The following SNTG2 variants were observed in gnomAD, a reference collection of about 807,000 sequenced individuals.
SNTG2 encodes syntrophin gamma 2.
Under a neutral mutation model 70.9 loss-of-function variants are expected in SNTG2, and 74 were observed. That is an observed-to-expected ratio of 1.04 (90% confidence interval 0.86 to 1.27). SNTG2 has a LOEUF of 1.27. Among genes scored for constraint, SNTG2 ranks in the 50% most tolerant of loss-of-function variants. The probability of loss-of-function intolerance (pLI) is 0.00; values close to 1 mark genes in which losing one functional copy is unlikely to be tolerated. For missense variants in SNTG2, 717 were observed against 690.7 expected, an observed-to-expected ratio of 1.04 and a Z score of -0.43; for synonymous variants, 278 against 273.8, an observed-to-expected ratio of 1.02 and a Z score of -0.15.
chr2:956,743 T>C (rs1242470995), intron 1 of SNTG2, among the ~76,000 whole-genome samples: 1 of 152,272 alleles, frequency 6.6e-6, no homozygotes. Context: ...AGCTGACCCA[T>C]GTGTCAGTTG....
chr2:1,228,789 C>G (rs1329496150), intron 9 of SNTG2, among the ~76,000 whole-genome samples: 1 of 152,222 alleles, frequency 6.6e-6, no homozygotes, highest in South Asian at 2.1e-4. Context: ...AAGAACGAAG[C>G]CGCGGACCCT....
At chr2:1,237,337 A>G (rs35525686) in intron 9 of SNTG2, among the ~76,000 whole-genome samples, 48,320 of 152,114 alleles carry the variant, frequency 0.32, 9,176 homozygotes, top group African/African-American at 0.54. Flanking sequence ...TTTAAAAAAT[A>G]TTGCATGACA....
At chr2:1,114,548 T>A (rs1187252461) in intron 4 of SNTG2, among the ~76,000 whole-genome samples, 2 of 148,758 alleles carry the variant, frequency 1.3e-5, no homozygotes, top group Non-Finnish European at 2.9e-5. Context: ...TTGAGAAGGA[T>A]CTTCTCTACT....
chr2:1,244,588 C>G (rs142729338), intron 11 of SNTG2, among the ~76,000 whole-genome samples: 2 of 148,412 alleles, frequency 1.3e-5, no homozygotes, highest in African/African-American at 5.0e-5. Flanking sequence ...CCCAGCTACT[C>G]GGGAGGCTGA....
intron 8 of SNTG2, among the ~76,000 whole-genome samples, chr2:1,194,737 A>C (rs2147949155): frequency 6.6e-6 from 1 of 152,188 alleles, no homozygotes; most frequent in East Asian, 1.9e-4. Context: ...TTATTTATTT[A>C]TTTATTATAC....
chr2:1,120,252 T>C (rs529897079), intron 4 of SNTG2, among the ~76,000 whole-genome samples: 1 of 152,270 alleles, frequency 6.6e-6, no homozygotes, highest in Admixed American at 6.5e-5. Flanking sequence ...AAGAAAATGG[T>C]ATTGGTTATT....
chr2:956,681 C>T (rs989374358), intron 1 of SNTG2, among the ~76,000 whole-genome samples: 5 of 152,356 alleles, frequency 3.3e-5, no homozygotes, highest in South Asian at 4.1e-4. Context: ...GTGGAGGGGC[C>T]GCTTTCAGAA....
At chr2:1,146,187 G>A (rs1341217841) in intron 6 of SNTG2, among the ~76,000 whole-genome samples, 1 of 152,112 alleles carries the variant, frequency 6.6e-6, no homozygotes, top group Non-Finnish European at 1.5e-5. Flanking sequence ...ACACCATACT[G>A]AAAGTCCTTG....
chr2:968,109 G>T lies in SNTG2; in HGVS notation c.72+17041G>T, dbSNP rs935651643. On this transcript the variant is annotated intron_variant, in intron 1 of 16. Coordinates refer to ENST00000308624, the MANE Select transcript of SNTG2 (RefSeq NM_018968.4). Reference sequence around the variant, plus strand: ...TTATTTCTTGCATAAAATTCATGCAGAATGCATTTGAGCCTGGAATTTTAT... The same window carrying T: ...TTATTTCTTGCATAAAATTCATGCATAATGCATTTGAGCCTGGAATTTTAT... Among the ~76,000 whole-genome samples the T allele has an allele frequency of 2.0e-5, 3 of 151,074 alleles. No individual in the cohort carries two copies. In the South Asian group the frequency reaches 6.3e-4, roughly 32 times the overall value.
At chr2:981,720 G>T (rs556623234) in intron 1 of SNTG2, among the ~76,000 whole-genome samples, 1 of 152,050 alleles carries the variant, frequency 6.6e-6, no homozygotes, top group East Asian at 1.9e-4. Context: ...CAAACAAGTC[G>T]TACACACATG....
intron 16 of SNTG2, among the ~76,000 whole-genome samples, chr2:1,335,153 G>A (rs748038748): frequency 8.0e-5 from 12 of 149,176 alleles, no homozygotes; most frequent in East Asian, 6.1e-4. Flanking sequence ...TGCTCCTTGC[G>A]TAGAGGACCT....
chr2:1,225,854 G>A (rs1345504725), intron 9 of SNTG2, among the ~76,000 whole-genome samples: 1 of 152,220 alleles, frequency 6.6e-6, no homozygotes. Context: ...AGGAGGTGCA[G>A]CCCACGGTGT....
chr2:1,071,078 A>G (rs1663507734), intron 1 of SNTG2, among the ~76,000 whole-genome samples: 2 of 152,220 alleles, frequency 1.3e-5, no homozygotes, highest in Admixed American at 6.5e-5. Context: ...AGCCTCGGGT[A>G]GTTTTAAGTG....
intron 14 of SNTG2, among the ~76,000 whole-genome samples, chr2:1,305,537 A>T (rs1380836147): frequency 6.6e-6 from 1 of 152,202 alleles, no homozygotes; most frequent in Non-Finnish European, 1.5e-5. Context: ...AAATAATCCC[A>T]CATGTCATTC....
intron 1 of SNTG2, among the ~76,000 whole-genome samples, chr2:1,017,097 C>T (rs182463472): frequency 1.3e-3 from 197 of 152,200 alleles, no homozygotes; most frequent in African/African-American, 4.3e-3. Context: ...AGTGAGTATA[C>T]GGTTTACTAA....
At chr2:1,172,502 G>A (rs1046042937) in intron 7 of SNTG2, among the ~76,000 whole-genome samples, 1 of 152,166 alleles carries the variant, frequency 6.6e-6, no homozygotes, top group Non-Finnish European at 1.5e-5. Context: ...CTTGGAAACG[G>A]CATGAAAGTG....
intron 4 of SNTG2, among the ~76,000 whole-genome samples, chr2:1,125,736 TTC>T (rs1282963361): frequency 7.8e-6 from 1 of 127,586 alleles, no homozygotes; most frequent in Non-Finnish European, 1.9e-5. Context: ...GAGAAACTTT[TTC>T]TCTCTTGGGG....
intron 6 of SNTG2, among the ~76,000 whole-genome samples, chr2:1,158,657 G>C (rs1016528592): frequency 6.6e-6 from 1 of 152,248 alleles, no homozygotes; most frequent in East Asian, 1.9e-4. Context: ...GTTAGGCACA[G>C]CACGGCCAGG....
intron 16 of SNTG2, among the ~76,000 whole-genome samples, chr2:1,334,656 C>A (rs1483303283): frequency 6.6e-6 from 1 of 152,120 alleles, no homozygotes; most frequent in African/African-American, 2.4e-5. Flanking sequence ...TTGGATGGAG[C>A]TGGAAGCCAT....
Sources: allele counts gnomAD v4.1 joint callset (sites outside exome capture counted in the v4.1 genomes callset), GRCh38; gene constraint gnomAD v4.1.1; transcripts MANE v1.5; gene names NCBI Gene and HGNC (gene_info 2026-07-23, HGNC 2026-07-21).